WDR49: variants seen among roughly 807,000 people sequenced by gnomAD.
WDR49 encodes WD repeat domain 49.
Under a neutral mutation model 119.5 loss-of-function variants are expected in WDR49, and 107 were observed. The observed-to-expected ratio is 0.90, with a 90% CI of 0.77 to 1.05. The LOEUF (loss-of-function observed/expected upper bound fraction) is 1.05. Ranked by LOEUF, WDR49 falls within the 50% of genes least tolerant of loss-of-function variation. WDR49 has a pLI of 0.00. For synonymous variants in WDR49, 425 were observed against 418.8 expected, an observed-to-expected ratio of 1.01 and a Z score of -0.18; for missense variants, 1,240 against 1,220.5, an observed-to-expected ratio of 1.02 and a Z score of -0.24.
At chr3:167,534,321 A>ATT (rs971176217) in intron 11 of WDR49, among the ~76,000 whole-genome samples, 3 of 152,140 alleles carry the variant, frequency 2.0e-5, no homozygotes, top group Admixed American at 2.0e-4. Context: ...CTGACCAAAT[A>ATT]TTTCCACATA....
chr3:167,533,569 T>C lies in WDR49; in HGVS notation c.1955-592A>G, dbSNP rs574406349. Among the ~76,000 whole-genome samples the C allele has an allele frequency of 2.7e-4, 41 of 152,132 alleles. No homozygotes were observed. The South Asian group carries it at 6.9e-3, about 25-fold the overall frequency. On this transcript the variant is annotated intron_variant, in intron 11 of 18. Transcript: ENST00000682715. ...TGTGTGGGTGGGTGTGTGTGTCTTC[T>C]CTTCATACTTTCCCTCCTATATTGA...
Position 167,602,199 on chromosome 3 carries a change from GC to G in WDR49, c.1202del (p.Gly401AlafsTer6), listed in dbSNP as rs1715806916. On this transcript the variant is annotated frameshift_variant, in exon 7 of 19. Transcript: ENST00000682715. LOFTEE classifies it high-confidence loss of function. The part of the protein sequence containing the change: ...VVSKPVGVLW[G>X]HSASVIAVQF... ...GGACGGCTATTACACTGGCTGAGTG[GC>G]CCCAAAGGACACCCACTGGTTTAGA... 6.2e-7 allele frequency: 1 copy of G among 1,606,652 alleles called. No individual in the cohort carries two copies. The highest frequency in any genetic ancestry group is 8.5e-7 in the Non-Finnish European group (1 of 1,174,732).
intron 5 of WDR49, among the ~76,000 whole-genome samples, chr3:167,605,012 TTG>T (rs370361855): frequency 0.044 from 6,230 of 142,534 alleles, 227 homozygotes; most frequent in East Asian, 0.098. Context: ...TTAATTTGCT[TTG>T]TGTGTGTGTG....
chr3:167,654,948 AG>A (rs1189112185), upstream of WDR49, among the ~76,000 whole-genome samples: 1 of 152,118 alleles, frequency 6.6e-6, no homozygotes, highest in Non-Finnish European at 1.5e-5. Flanking sequence ...TCACACAAAT[AG>A]TAACATACGG....
intron 7 of WDR49, among the ~76,000 whole-genome samples, chr3:167,586,738 G>A (rs1484609440): frequency 1.3e-5 from 2 of 152,162 alleles, no homozygotes; most frequent in African/African-American, 4.8e-5. Flanking sequence ...AAGTGAAATA[G>A]ATTTAGACTA....
chr3:167,548,939 A>G (rs977529996), intron 10 of WDR49, among the ~76,000 whole-genome samples: 5 of 151,940 alleles, frequency 3.3e-5, no homozygotes, highest in Admixed American at 1.3e-4. Context: ...GAGAACATGC[A>G]GTGTTTGGTT....
At chr3:167,537,239 G>A (rs1419418094) in intron 10 of WDR49, among the ~76,000 whole-genome samples, 5 of 151,920 alleles carry the variant, frequency 3.3e-5, no homozygotes, top group Admixed American at 6.6e-5. Flanking sequence ...TTTCATAATC[G>A]TTAACAACAA....
chr3:167,509,961 A>AT (rs1015848669), intron 16 of WDR49, among the ~76,000 whole-genome samples: 12 of 152,160 alleles, frequency 7.9e-5, no homozygotes, highest in African/African-American at 2.4e-4. Context: ...TAAAATGTAC[A>AT]TTTTTTCATT....
intron 16 of WDR49, among the ~76,000 whole-genome samples, chr3:167,520,552 A>T (rs1752399920): frequency 1.3e-5 from 2 of 152,166 alleles, no homozygotes; most frequent in Admixed American, 6.5e-5. Flanking sequence ...CTTCTGCCTA[A>T]ATGTAAAATG....
intron 11 of WDR49, 91 bp from the exon 12 acceptor site, chr3:167,533,068 A>G: frequency 1.2e-6 from 1 of 815,692 alleles, no homozygotes; most frequent in Non-Finnish European, 1.9e-6. Flanking sequence ...TTAGCAACAT[A>G]TCTTCCACAG....
chr3:167,490,088 T>C (rs1381843653), intron 18 of WDR49, among the ~76,000 whole-genome samples: 2 of 152,074 alleles, frequency 1.3e-5, no homozygotes, highest in Non-Finnish European at 2.9e-5. Flanking sequence ...TCTAGGTGAG[T>C]ATTGTCAAAT....
chr3:167,566,612 C>T (rs963354327), intron 8 of WDR49, among the ~76,000 whole-genome samples: 3 of 151,978 alleles, frequency 2.0e-5, no homozygotes, highest in African/African-American at 7.3e-5. Flanking sequence ...GAGATGCCTA[C>T]CTGCCACACA....
At chr3:167,494,388 G>C (rs1751265721) in intron 18 of WDR49, among the ~76,000 whole-genome samples, 1 of 151,624 alleles carries the variant, frequency 6.6e-6, no homozygotes, top group East Asian at 1.9e-4. Flanking sequence ...ACACTTTCTT[G>C]TTTTAAACAT....
chr3:167,634,586 A>G (rs1194378263), intron 2 of WDR49, among the ~76,000 whole-genome samples: 1 of 151,854 alleles, frequency 6.6e-6, no homozygotes, highest in Admixed American at 6.6e-5. Flanking sequence ...GAAAAAGCAT[A>G]AACTCTAAAA....
chr3:167,575,087 T>C lies in WDR49; in HGVS notation c.1509+831A>G, dbSNP rs926876065. ...CTTCTGCAGAAGGGAAAAGAAAGAA[T>C]GGATTGAGTTACTGTTTAATTGGCT... On this transcript the variant is annotated intron_variant, in intron 8 of 18. Coordinates refer to ENST00000682715, the MANE Select transcript of WDR49 (RefSeq NM_001366157.1). The C allele has an allele frequency of 8.2e-5, 81 of 985,242 alleles. 1 individual carries two copies. Among genetic ancestry groups the C allele is most frequent in the Non-Finnish European group, 9.4e-5 (78 of 829,934 alleles). 61.0% of individuals were successfully genotyped at this position (985,242 alleles called of 1,614,324 possible).
At chr3:167,623,366 A>C (rs1167787544) in intron 3 of WDR49, among the ~76,000 whole-genome samples, 1 of 152,110 alleles carries the variant, frequency 6.6e-6, no homozygotes, top group Non-Finnish European at 1.5e-5. Flanking sequence ...TATCCCAGGA[A>C]TGCAAGGTTT....
intron 10 of WDR49, among the ~76,000 whole-genome samples, chr3:167,544,996 GA>G (rs201982768): frequency 7.4e-5 from 11 of 149,648 alleles, no homozygotes; most frequent in East Asian, 2.0e-4. Flanking sequence ...AAATCAGCAA[GA>G]AAAAAAAATT....
intron 15 of WDR49, among the ~76,000 whole-genome samples, chr3:167,524,055 T>G (rs1453972661): frequency 2.0e-5 from 3 of 152,142 alleles, no homozygotes; most frequent in African/African-American, 7.2e-5. Flanking sequence ...CTCACCAGCA[T>G]CTGTTGTTTC....
chr3:167,507,827 T>C (rs1289710878), intron 16 of WDR49, among the ~76,000 whole-genome samples: 1 of 152,236 alleles, frequency 6.6e-6, no homozygotes, highest in Non-Finnish European at 1.5e-5. Flanking sequence ...AACAATCTAT[T>C]GCTTCCTTTT....
Sources: gnomAD v4.1 joint callset for allele counts (sites outside exome capture counted in the v4.1 genomes callset) on GRCh38, gnomAD v4.1.1 for gene constraint, MANE v1.5 for transcripts, NCBI Gene and HGNC (gene_info 2026-07-23, HGNC 2026-07-21) for gene names.